COIL: variants seen among roughly 807,000 people sequenced by gnomAD.
COIL encodes the protein coilin p80.
Under a neutral mutation model 51.6 loss-of-function variants are expected in COIL, and 28 were observed. The observed-to-expected ratio is 0.54, with a 90% CI of 0.40 to 0.74. COIL has a LOEUF of 0.74. Among genes scored for constraint, COIL ranks in the 30% least tolerant of loss-of-function variants. COIL has a pLI of 0.00. For missense variants in COIL, 667 were observed against 685.9 expected (o/e 0.97, Z 0.31); for synonymous variants, 233 against 255.8 (o/e 0.91, Z 0.85).
intron 6 of COIL, 106 bp from the exon 7 acceptor site, chr17:56,939,260 GAATA>G (rs1910101458): frequency 1.5e-6 from 1 of 679,164 alleles, no homozygotes; most frequent in Non-Finnish European, 2.7e-6. Context: ...TGAAGAACGG[GAATA>G]ATTTGGGTTC....
chr17:56,957,049 T>C (rs1254872853), intron 1 of COIL, among the ~76,000 whole-genome samples: 2 of 152,056 alleles, frequency 1.3e-5, no homozygotes, highest in Non-Finnish European at 2.9e-5. Flanking sequence ...GCGGGAGGAC[T>C]ACTTGAGCCC....
rs1244141385 is a variant in COIL, at chr17:56,949,877, A to C, written c.1353+12T>G. The C allele has an allele frequency of 6.2e-7, 1 of 1,611,800 alleles. No individual in the cohort carries two copies. ...GAAAGGGAGGAGATAACTTACAAAA[A>C]ATAATACTTACCTGGATAATAGTAG... is the stretch of plus-strand genomic sequence containing the variant. On this transcript the variant is annotated intron_variant, in intron 2 of 6. Transcript: ENST00000240316.
intron 6 of COIL, chr17:56,941,275 CG>C (rs1910142772): frequency 6.6e-6 from 1 of 151,836 alleles, no homozygotes; most frequent in East Asian, 1.9e-4. Flanking sequence ...TTGGAACTCT[CG>C]GGCCAGGCAT....
At chr17:56,952,220 A>C in intron 1 of COIL, 1 of 501,576 alleles carries the variant, frequency 2.0e-6, no homozygotes, top group Non-Finnish European at 4.0e-6. Flanking sequence ...GGCAGGCTAA[A>C]CAAGTATGGA....
intron 6 of COIL, 82 bp downstream of exon 6, chr17:56,941,953 T>G: frequency 8.9e-7 from 1 of 1,128,854 alleles, no homozygotes; most frequent in South Asian, 1.2e-5. Flanking sequence ...GGGCCTGTAG[T>G]GCAATGTCAC....
intron 1 of COIL, among the ~76,000 whole-genome samples, chr17:56,957,037 A>C (rs1215789818): frequency 6.6e-6 from 1 of 152,174 alleles, no homozygotes; most frequent in Non-Finnish European, 1.5e-5. Flanking sequence ...TGGGAGGCCA[A>C]GGCGGGAGGA....
chr17:56,960,827 G>C lies in COIL; in HGVS notation c.193C>G (p.Leu65Val), dbSNP rs1360504898. 6.3e-7 allele frequency: 1 copy of C among 1,595,498 alleles called. No homozygotes were observed. Among genetic ancestry groups the C allele is most frequent in the Non-Finnish European group, 8.5e-7 (1 of 1,172,592 alleles). The change falls in exon 1 of 7, where the codon CTC becomes GTC. Residue 65 changes from leucine to valine, a missense_variant. Coordinates refer to ENST00000240316, the MANE Select transcript of COIL (RefSeq NM_004645.3). ...AFLGLYLEGG[L>V]LPPAESARLV... ...CGCGCGCTCTCGGCGGGGGGCAAGA[G>C]CCCCCCCTCCAGGTAGAGGCCTAGG...
At chr17:56,940,874 C>A (rs1485138664) in intron 6 of COIL, among the ~76,000 whole-genome samples, 1 of 152,090 alleles carries the variant, frequency 6.6e-6, no homozygotes. Context: ...GTGGCTCACA[C>A]GTGTAATCCT....
rs1189081768 is a variant in COIL, at chr17:56,954,541, CAGAT to C, written c.246-3549_246-3546del. Among the ~76,000 whole-genome samples, 3 of 151,282 alleles carry C rather than the reference CAGAT, an allele frequency of 2.0e-5. No homozygotes were observed. In the East Asian group the frequency reaches 5.8e-4, roughly 29 times the overall value. ...ACGCCACCGCACTCCAGCCTGGCGA[CAGAT>C]AGAGACTCTGTCTCCAAAAAATAAA... On this transcript the variant is annotated intron_variant, in intron 1 of 6. Transcript: ENST00000240316.
chr17:56,952,181 G>C (rs1488687386), intron 1 of COIL: 1 of 497,258 alleles, frequency 2.0e-6, no homozygotes, highest in Non-Finnish European at 4.0e-6. Context: ...GATGATCATA[G>C]AGCTGGGAAA....
chr17:56,952,038 T>C (rs755728644), intron 1 of COIL: 9 of 240,376 alleles, frequency 3.7e-5, no homozygotes, highest in Non-Finnish European at 5.7e-5. Flanking sequence ...TGGCCTCAAG[T>C]GCTCAAGTGA....
In COIL at chr17:56,950,659, T is replaced by TTTTATA; in HGVS notation, c.577_582dup (p.Tyr193_Lys194dup). ...GGAGACTTGGGATTCTTAGCCTTTT[T>TTTTATA]TTTATATTCACATTTCTCCTTTTTC... is the stretch of plus-strand genomic sequence containing the variant. On this transcript the variant is annotated inframe_insertion, in exon 2 of 7. Coordinates refer to ENST00000240316, the MANE Select transcript of COIL (RefSeq NM_004645.3). 1 of 1,610,412 alleles carries TTTTATA rather than the reference T, an allele frequency of 6.2e-7. No homozygotes were observed. Among genetic ancestry groups the TTTTATA allele is most frequent in the South Asian group, 1.1e-5 (1 of 89,996 alleles).
chr17:56,945,290 A>T (rs1910227043), intron 5 of COIL, among the ~76,000 whole-genome samples: 1 of 151,994 alleles, frequency 6.6e-6, no homozygotes. Context: ...GTGAGCCAAG[A>T]TTGTGCCACC....
At chr17:56,955,784 T>C (rs539566869) in intron 1 of COIL, among the ~76,000 whole-genome samples, 30 of 152,354 alleles carry the variant, frequency 2.0e-4, no homozygotes, top group African/African-American at 7.2e-4. Context: ...TGTACAAGTC[T>C]GTACAACTTT....
intron 3 of COIL, 27 bp from the exon 4 acceptor site, chr17:56,949,461 T>C: frequency 6.2e-7 from 1 of 1,601,120 alleles, no homozygotes; most frequent in Non-Finnish European, 8.5e-7. Context: ...AACCCACAAA[T>C]ACATAAGCCC....
At chr17:56,954,111 T>C (rs1004468090) in intron 1 of COIL, among the ~76,000 whole-genome samples, 5 of 152,076 alleles carry the variant, frequency 3.3e-5, no homozygotes, top group African/African-American at 1.2e-4. Context: ...ATGTTGAAAA[T>C]GGTTGCAAGT....
Position 56,950,926 on chromosome 17 carries a change from G to C in COIL, c.316C>G (p.Leu106Val). The C allele has an allele frequency of 6.2e-7, 1 of 1,613,370 alleles. No individual in the cohort carries two copies. Among genetic ancestry groups the C allele is most frequent in the East Asian group, 2.2e-5 (1 of 44,868 alleles). ...AATGCCCGCTTCTTTGCTTTTCTAA[G>C]AGATAAATTAATGTCACCATTACTG... ...VISNGDINLSLRKAKKRAFQL... is the reference protein window; with the variant it reads ...VISNGDINLSVRKAKKRAFQL... Residue 106 changes from leucine (L) to valine (V), a missense_variant, in exon 2 of 7, where the codon CTT (leucine) becomes GTT (valine). Physicochemically the swap from Leu to Val is conservative, Grantham distance 32. Transcript: ENST00000240316.
chr17:56,960,280 TTG>T (rs1421821911), intron 1 of COIL, among the ~76,000 whole-genome samples: 1 of 150,176 alleles, frequency 6.7e-6, no homozygotes, highest in Non-Finnish European at 1.5e-5. Context: ...TCCCAGCACT[TTG>T]AGAGGCCGAT....
Position 56,950,729 on chromosome 17 carries a change from G to A in COIL, c.513C>T (p.Gly171=). 6.2e-7 allele frequency: 1 copy of A among 1,613,800 alleles called. No homozygotes were observed. Among genetic ancestry groups the A allele is most frequent in the Non-Finnish European group, 8.5e-7 (1 of 1,179,988 alleles). Residue 171 remains glycine, a synonymous_variant, in exon 2 of 7, where the codon GGC becomes GGT. Transcript: ENST00000240316. ...CCTCTTCGTTATCATCACCCACTGT[G>A]CCACAGGTTGCTTTATTTTTTCTCT... ...KNKRKNKATC[G]TVGDDNEEAK...
Sources: gnomAD v4.1 joint callset for allele counts (sites outside exome capture counted in the v4.1 genomes callset) on GRCh38, gnomAD v4.1.1 for gene constraint, MANE v1.5 for transcripts, NCBI Gene and HGNC (gene_info 2026-07-23, HGNC 2026-07-21) for gene names.